RBM14: variants seen among roughly 807,000 people sequenced by gnomAD.
RBM14 encodes RNA binding motif protein 14, also known as RNA-binding protein 14.
RBM14 carries 5 observed loss-of-function variants against 52.8 expected under a neutral mutation model. The observed-to-expected ratio is 0.09, with a 90% CI of 0.05 to 0.20. RBM14 has a LOEUF of 0.20. Among genes scored for constraint, RBM14 ranks in the 10% least tolerant of loss-of-function variants. The probability of loss-of-function intolerance (pLI) is 1.00; values close to 1 mark genes in which losing one functional copy is unlikely to be tolerated. For synonymous variants in RBM14, 411 were observed against 401.8 expected (o/e 1.02, Z -0.28); for missense variants, 780 against 926.6 (o/e 0.84, Z 2.05).
At chr11:66,623,235 C>T (rs1216356138) in intron 1 of RBM14, among the ~76,000 whole-genome samples, 3 of 152,170 alleles carry the variant, frequency 2.0e-5, no homozygotes, top group Non-Finnish European at 2.9e-5. Flanking sequence ...GTAAGGTATA[C>T]CTCTGTCCCT....
rs1158265214 is a variant in RBM14 at position 66,629,387 on chromosome 11, C to G, written c.*2719C>G. Among the ~76,000 whole-genome samples the G allele has an allele frequency of 6.6e-6, 1 of 152,118 alleles. No homozygotes were observed. Among genetic ancestry groups the G allele is most frequent in the East Asian group, 1.9e-4 (1 of 5,200 alleles). On this transcript the variant is annotated 3_prime_UTR_variant, in exon 3 of 3. Transcript: ENST00000310137. Reference sequence around the variant, plus strand: ...AGCCTGCCCTCTTCTGAGGTTTGGACCTTGTTTTAAATTGTGTGCATGGTG... The same window carrying G: ...AGCCTGCCCTCTTCTGAGGTTTGGAGCTTGTTTTAAATTGTGTGCATGGTG...
Position 66,625,225 on chromosome 11 carries a change from C to T in RBM14, c.1349C>T (p.Ala450Val). 5 of 1,611,464 alleles carry T rather than the reference C, an allele frequency of 3.1e-6. No homozygotes were observed. The highest frequency in any genetic ancestry group is 4.2e-6 in the Non-Finnish European group (5 of 1,179,868). Residue 450 changes from alanine (A) to valine (V), a missense_variant, in exon 2 of 3, where the codon GCC becomes GTC. Coordinates refer to ENST00000310137, the MANE Select transcript of RBM14 (RefSeq NM_006328.4). The surrounding 1 kb of genome is among the most constrained non-coding windows in gnomAD (Gnocchi z 4.2). ...TATGCCAGCCAGCCAGCAGCCTACGCCGCACAAGCCACTACCCCAATGGCT... is the reference window on the plus strand; with the variant it reads ...TATGCCAGCCAGCCAGCAGCCTACGTCGCACAAGCCACTACCCCAATGGCT... ...AAYASQPAAY[A>V]AQATTPMAGS...
intron 1 of RBM14, among the ~76,000 whole-genome samples, chr11:66,618,779 A>G (rs996310105): frequency 3.9e-5 from 6 of 152,192 alleles, no homozygotes; most frequent in Non-Finnish European, 4.4e-5. Context: ...CCTGGAACTC[A>G]GGCTTCTTGC....
At position 66,617,329 on chromosome 11, in the gene RBM14, C is replaced by A. The variant is rs1858884725; in HGVS notation, c.337+272C>A. 12 of 1,270,380 alleles carry A rather than the reference C, an allele frequency of 9.4e-6. No individual in the cohort carries two copies. In the East Asian group the frequency reaches 1.3e-4, roughly 14 times the overall value. 78.7% of individuals were successfully genotyped at this position (1,270,380 alleles called of 1,614,324 possible). A position where few individuals can be genotyped will look rare whatever the true frequency, so the allele number is the denominator to read the frequency against. Reference sequence around the variant, plus strand: ...GCCGGGGACGCGCCTGAGAGCCTTGCGAGTGTTCCGGGGGCGCGCCTTCTC... The same window carrying A: ...GCCGGGGACGCGCCTGAGAGCCTTGAGAGTGTTCCGGGGGCGCGCCTTCTC... On this transcript the variant is annotated intron_variant, in intron 1 of 2. Transcript: ENST00000310137.
Position 66,619,805 on chromosome 11 carries a change from A to G in RBM14, c.337+2748A>G, listed in dbSNP as rs542459586. On this transcript the variant is annotated intron_variant, in intron 1 of 2. Coordinates refer to ENST00000310137, the MANE Select transcript of RBM14 (RefSeq NM_006328.4). ...ATGGTCTCGATCTCCTGACCTTGTG[A>G]TCCGCCTGCCTCAGCCTCCCAAAGT... Among the ~76,000 whole-genome samples, 254 of 152,322 alleles carry G rather than the reference A, an allele frequency of 1.7e-3. 2 individuals carry two copies. Among genetic ancestry groups the G allele is most frequent in the African/African-American group, 6.0e-3 (248 of 41,566 alleles).
Position 66,629,624 on chromosome 11 carries a change from A to C in RBM14, c.*2956A>C, listed in dbSNP as rs1937966952. On this transcript the variant is annotated 3_prime_UTR_variant, in exon 3 of 3. Transcript: ENST00000310137. ...TCATGAAAACAGATTTACTGGATTT[A>C]TGGACCTAGTATATACTATGTAACA... is the stretch of plus-strand genomic sequence containing the variant. Among the ~76,000 whole-genome samples the C allele has an allele frequency of 6.6e-6, 1 of 152,220 alleles. No individual in the cohort carries two copies. Among genetic ancestry groups the C allele is most frequent in the Non-Finnish European group, 1.5e-5 (1 of 68,038 alleles).
At chr11:66,623,218 C>G (rs1859196154) in intron 1 of RBM14, among the ~76,000 whole-genome samples, 1 of 152,078 alleles carries the variant, frequency 6.6e-6, no homozygotes, top group Non-Finnish European at 1.5e-5. Flanking sequence ...GAACAGAAGC[C>G]CAAGGTGTAA....
At position 66,629,276 on chromosome 11, in the gene RBM14, A is replaced by G. The variant is rs973510895; in HGVS notation, c.*2608A>G. ...TTCAGATTATTCAGCTTCTCCACCT[A>G]TCACCTCTACAACTTGGCCTTCATT... is the stretch of plus-strand genomic sequence containing the variant. On this transcript the variant is annotated 3_prime_UTR_variant, in exon 3 of 3. Coordinates refer to ENST00000310137, the MANE Select transcript of RBM14 (RefSeq NM_006328.4). Among the ~76,000 whole-genome samples the G allele has an allele frequency of 9.9e-5, 15 of 152,230 alleles. No individual in the cohort carries two copies. Among genetic ancestry groups the G allele is most frequent in the Admixed American group, 7.2e-4 (11 of 15,286 alleles).
intron 1 of RBM14, chr11:66,618,543 C>A (rs541362623): frequency 2.8e-6 from 2 of 717,416 alleles, no homozygotes; most frequent in Non-Finnish European, 2.6e-6. Context: ...CTGCTGGGTG[C>A]TCTGAGGCAG....
chr11:66,623,856 C>T, intron 1 of RBM14: 2 of 717,212 alleles, frequency 2.8e-6, no homozygotes, highest in Non-Finnish European at 5.2e-6. Flanking sequence ...ACTGAGTGAT[C>T]TAGGAACGCT....
chr11:66,627,281 T>G lies in RBM14; in HGVS notation c.*613T>G, dbSNP rs1374059806. 1 of 152,244 alleles carries G rather than the reference T, an allele frequency of 6.6e-6. No individual in the cohort carries two copies. The highest frequency in any genetic ancestry group is 1.5e-5 in the Non-Finnish European group (1 of 68,056). The allele number at this position is 152,244 out of a possible 1,614,324, so 9.4% of individuals were successfully genotyped here. A position where few individuals can be genotyped will look rare whatever the true frequency, so the allele number is the denominator to read the frequency against. Reference sequence around the variant, plus strand: ...CCCAAGTAGGTGGTGTTAGAAAACCTTAATTTTTTTTCCCTTTTGTATGGA... The same window carrying G: ...CCCAAGTAGGTGGTGTTAGAAAACCGTAATTTTTTTTCCCTTTTGTATGGA... On this transcript the variant is annotated 3_prime_UTR_variant, in exon 3 of 3. Coordinates refer to ENST00000310137, the MANE Select transcript of RBM14 (RefSeq NM_006328.4).
At chr11:66,626,381 C>G in intron 2 of RBM14, 80 bp from the exon 3 acceptor site, 1 of 1,337,906 alleles carries the variant, frequency 7.5e-7, no homozygotes, top group Non-Finnish European at 1.1e-6. Context: ...CTCCCTGTCC[C>G]CATTGGCATC....
At chr11:66,618,795 T>C (rs1175424808) in intron 1 of RBM14, among the ~76,000 whole-genome samples, 2 of 152,184 alleles carry the variant, frequency 1.3e-5, no homozygotes, top group Non-Finnish European at 1.5e-5. Flanking sequence ...CTTGCTGGCT[T>C]TCAGGTGGTA....
chr11:66,623,981 G>A, intron 1 of RBM14: 1 of 765,056 alleles, frequency 1.3e-6, no homozygotes, highest in Non-Finnish European at 2.3e-6. Context: ...GAGATGGCAG[G>A]GTTTGTAAAG....
chr11:66,621,558 G>T (rs1859114119), intron 1 of RBM14, among the ~76,000 whole-genome samples: 1 of 151,984 alleles, frequency 6.6e-6, no homozygotes, highest in Non-Finnish European at 1.5e-5. Context: ...AATATTTTTA[G>T]TAAAGACGGC....
In RBM14 at chr11:66,617,071, GCGCT is replaced by G. The variant is rs1191680003; in HGVS notation, c.337+17_337+20del. The G allele has an allele frequency of 1.3e-6, 2 of 1,556,540 alleles. No individual in the cohort carries two copies. The highest frequency in any genetic ancestry group is 1.9e-5 in the Admixed American group (1 of 52,204). ...ACGTGGTGAAAGGTAACGCGGAGGC[GCGCT>G]CGGGGGCGGGGGCGCGCTCGGGGCA... On this transcript the variant is annotated intron_variant, in intron 1 of 2. Coordinates refer to ENST00000310137, the MANE Select transcript of RBM14 (RefSeq NM_006328.4).
chr11:66,625,628 C>A lies in RBM14; in HGVS notation c.1752C>A (p.Pro584=). The stretch of plus-strand genomic sequence containing the variant: ...ATGAGCGTACCCGCCTCTCCCCACC[C>A]CGGGCCAGCTACGACGATCCCTACA... The part of the protein sequence containing the change: ...PPYERTRLSP[P]RASYDDPYKK... The change falls in exon 2 of 3, where the codon CCC becomes CCA. Residue 584 remains proline (P), a synonymous_variant. Transcript: ENST00000310137. This position sits in a 1 kb window ranked among gnomAD's most constrained non-coding sequence, Gnocchi z 4.2. 3 of 1,613,158 alleles carry A rather than the reference C, an allele frequency of 1.9e-6. 1 individual carries two copies. The South Asian group carries it at 3.3e-5, about 18-fold the overall frequency.
At chr11:66,623,706 C>CT (rs1191222625) in intron 1 of RBM14, among the ~76,000 whole-genome samples, 1 of 152,192 alleles carries the variant, frequency 6.6e-6, no homozygotes, top group African/African-American at 2.4e-5. Flanking sequence ...CAGTCTATCT[C>CT]TCTTGCCTTA....
rs1427837627 is a variant in RBM14 at position 66,624,808 on chromosome 11, C to T, written c.932C>T (p.Ser311Leu). The change falls in exon 2 of 3, where the codon TCA (serine) becomes TTA (leucine). Residue 311 changes from serine to leucine, a missense_variant. Around this residue, in one of 4 missense-constraint regions of RBM14, gnomAD observed 675 missense variants for 697.3 expected, o/e 0.97. Transcript: ENST00000310137. This position sits in a 1 kb window ranked among gnomAD's most constrained non-coding sequence, Gnocchi z 4.7. ...GGCCCATATGGTGGAGCCCAGCCCT[C>T]AGCCTCGGCCCTTTCCTCCTATGGG... is the stretch of plus-strand genomic sequence containing the variant. ...SLGPYGGAQP[S>L]ASALSSYGGQ... 5 of 1,614,146 alleles carry T rather than the reference C, an allele frequency of 3.1e-6. No individual in the cohort carries two copies. The African/African-American group carries it at 4.0e-5, about 13-fold the overall frequency.
Sources: allele counts gnomAD v4.1 joint callset (sites outside exome capture counted in the v4.1 genomes callset), GRCh38; gene constraint gnomAD v4.1.1; regional missense constraint gnomAD v4.1.1; non-coding constraint Gnocchi (gnomAD v3.1); transcripts MANE v1.5; gene names NCBI Gene and HGNC (gene_info 2026-07-23, HGNC 2026-07-21).